NUP98: variants seen among roughly 807,000 people sequenced by gnomAD.
The protein encoded by NUP98 is nuclear pore complex protein Nup98-Nup96.
Under a neutral mutation model 191.9 loss-of-function variants are expected in NUP98, and 26 were observed. That is an observed-to-expected ratio of 0.14 (90% CI 0.10 to 0.19). The LOEUF (loss-of-function observed/expected upper bound fraction) is 0.19. Ranked by LOEUF, NUP98 falls within the 10% of genes least tolerant of loss-of-function variation. The pLI is 1.00. For synonymous variants in NUP98, 808 were observed against 778.4 expected, an observed-to-expected ratio of 1.04 and a Z score of -0.63; for missense variants, 1,941 against 2,178.8, an observed-to-expected ratio of 0.89 and a Z score of 2.17.
At chr11:3,787,822 T>C (rs980950303) in intron 1 of NUP98, among the ~76,000 whole-genome samples, 1 of 151,930 alleles carries the variant, frequency 6.6e-6, no homozygotes, top group Non-Finnish European at 1.5e-5. Flanking sequence ...TGAAACCCCG[T>C]CTCTACTGAA....
chr11:3,707,385 A>G (rs1351946910), intron 20 of NUP98, among the ~76,000 whole-genome samples: 1 of 152,172 alleles, frequency 6.6e-6, no homozygotes, highest in Non-Finnish European at 1.5e-5. Flanking sequence ...GGTACAGTAC[A>G]AATTCAATTA....
At chr11:3,794,462 G>A (rs2082461653) in intron 1 of NUP98, among the ~76,000 whole-genome samples, 1 of 151,970 alleles carries the variant, frequency 6.6e-6, no homozygotes, top group Non-Finnish European at 1.5e-5. Flanking sequence ...CTGGGGCAAT[G>A]GGCGCATGCT....
chr11:3,681,669 C>G (rs2077989498), intron 30 of NUP98, among the ~76,000 whole-genome samples: 1 of 151,978 alleles, frequency 6.6e-6, no homozygotes, highest in African/African-American at 2.4e-5. Context: ...GTAAACTGAG[C>G]TATAAACAGA....
chr11:3,703,698 T>C (rs1382426726), intron 22 of NUP98, among the ~76,000 whole-genome samples: 3 of 152,032 alleles, frequency 2.0e-5, no homozygotes, highest in Non-Finnish European at 4.4e-5. Context: ...TCTTAGCACA[T>C]ATAAAAGTAA....
At chr11:3,791,791 G>A (rs4910805) in intron 1 of NUP98, among the ~76,000 whole-genome samples, 7,597 of 149,514 alleles carry the variant, frequency 0.051, 248 homozygotes, top group Middle Eastern at 0.099. Flanking sequence ...ACAGTGAGCC[G>A]AGATCACGAC....
intron 12 of NUP98, among the ~76,000 whole-genome samples, chr11:3,736,858 CTATCCT>C (rs1234524003): frequency 6.6e-6 from 1 of 152,056 alleles, no homozygotes; most frequent in Non-Finnish European, 1.5e-5. Context: ...AATGCTTAGG[CTATCCT>C]TATAAGTTTA....
At chr11:3,707,439 AAT>A (rs1009512285) in intron 20 of NUP98, among the ~76,000 whole-genome samples, 1 of 152,036 alleles carries the variant, frequency 6.6e-6, no homozygotes, top group African/African-American at 2.4e-5. Flanking sequence ...CAATATTTGA[AAT>A]ATTTTCAAAC....
chr11:3,743,690 A>G (rs969023527), intron 12 of NUP98, among the ~76,000 whole-genome samples: 2 of 151,852 alleles, frequency 1.3e-5, no homozygotes, highest in African/African-American at 4.8e-5. Flanking sequence ...CTTAAGTTCA[A>G]AATACATAAT....
chr11:3,728,603 G>C, intron 14 of NUP98, among the ~76,000 whole-genome samples: 1 of 152,140 alleles, frequency 6.6e-6, no homozygotes, highest in East Asian at 1.9e-4. Flanking sequence ...GCTGGGCGTG[G>C]TGGTGGGCGC....
At chr11:3,701,482 G>A (rs1017539370) in intron 23 of NUP98, among the ~76,000 whole-genome samples, 2 of 151,776 alleles carry the variant, frequency 1.3e-5, no homozygotes, top group South Asian at 2.1e-4. Context: ...GGCTGGTCTC[G>A]AACTCCTGAC....
chr11:3,700,297 A>T (rs1242155346), intron 24 of NUP98, among the ~76,000 whole-genome samples: 3 of 151,164 alleles, frequency 2.0e-5, no homozygotes, highest in African/African-American at 7.3e-5. Flanking sequence ...AAAGTAAAGC[A>T]AGAAGGAATG....
intron 1 of NUP98, among the ~76,000 whole-genome samples, chr11:3,784,579 TAAAAACAAAA>T (rs2082076421): frequency 1.1e-5 from 1 of 89,336 alleles, no homozygotes; most frequent in Admixed American, 1.0e-4. Flanking sequence ...CTGTCTCTAT[TAAAAACAAAA>T]AAAAAACAAA....
chr11:3,785,622 G>A (rs557911032), intron 1 of NUP98, among the ~76,000 whole-genome samples: 4 of 152,220 alleles, frequency 2.6e-5, no homozygotes, highest in African/African-American at 7.2e-5. Flanking sequence ...AGCTGATAGC[G>A]GTGGTGCACA....
intron 2 of NUP98, chr11:3,781,330 A>G (rs1186730652): frequency 6.6e-6 from 1 of 151,994 alleles, no homozygotes; most frequent in Non-Finnish European, 1.5e-5. Context: ...AAGTTGGGAT[A>G]TAAGTACATG....
intron 18 of NUP98, among the ~76,000 whole-genome samples, chr11:3,716,251 T>C: frequency 6.6e-6 from 1 of 152,188 alleles, no homozygotes; most frequent in East Asian, 1.9e-4. Flanking sequence ...TTAATCTTTG[T>C]ATATGGCATA....
chr11:3,772,881 G>A (rs1342434662), intron 6 of NUP98, among the ~76,000 whole-genome samples: 1 of 151,986 alleles, frequency 6.6e-6, no homozygotes, highest in East Asian at 1.9e-4. Flanking sequence ...GGGAGGCTGA[G>A]GCACGAGAAT....
chr11:3,770,396 T>C lies in NUP98; in HGVS notation c.784+1352A>G, dbSNP rs575604688. On this transcript the variant is annotated intron_variant, in intron 7 of 32. Transcript: ENST00000324932. ...GGGTGGCTGAGGTAGGAGAATCACC[T>C]GAGCCCAGGAAATCAGGGCTGTAGT... is the stretch of plus-strand genomic sequence containing the variant. Among the ~76,000 whole-genome samples, 12 of 152,198 alleles carry C rather than the reference T, an allele frequency of 7.9e-5. No individual in the cohort carries two copies. The South Asian group carries it at 2.3e-3, about 29-fold the overall frequency.
chr11:3,768,118 AT>A (rs1375248763), intron 8 of NUP98, among the ~76,000 whole-genome samples: 1 of 152,110 alleles, frequency 6.6e-6, no homozygotes, highest in East Asian at 1.9e-4. Flanking sequence ...CTAGGTCTTA[AT>A]TATTCTAAGA....
chr11:3,692,533 T>C (rs2078349858), intron 27 of NUP98, among the ~76,000 whole-genome samples: 1 of 151,280 alleles, frequency 6.6e-6, no homozygotes. Context: ...AGGCAGAGGT[T>C]GCAGTGAGCC....
Sources: allele counts gnomAD v4.1 joint callset (sites outside exome capture counted in the v4.1 genomes callset), GRCh38; gene constraint gnomAD v4.1.1; transcripts MANE v1.5; gene names NCBI Gene and HGNC (gene_info 2026-07-23, HGNC 2026-07-21).